Variants in TAF4 observed in about 807,000 individuals in gnomAD.
The protein encoded by TAF4 is TATA-box binding protein associated factor 4, also known as transcription initiation factor TFIID subunit 4.
A neutral mutation model predicts 90.3 loss-of-function variants in TAF4; 9 were observed. The observed-to-expected ratio is 0.10, with a 90% CI of 0.06 to 0.17. The LOEUF is 0.17. TAF4 is among the 10% of genes least tolerant of loss of function. TAF4 has a pLI of 1.00. For missense variants in TAF4, 1,351 were observed against 1,370.7 expected (o/e 0.99, Z 0.23); for synonymous variants, 818 against 638.9 (o/e 1.28, Z -4.23).
intron 1 of TAF4, among the ~76,000 whole-genome samples, chr20:62,021,641 A>C (rs998469306): frequency 1.3e-5 from 2 of 152,228 alleles, no homozygotes; most frequent in Non-Finnish European, 2.9e-5. Flanking sequence ...CAACCTCAGG[A>C]GGTGGCTGTA....
intron 1 of TAF4, among the ~76,000 whole-genome samples, chr20:62,021,320 A>G (rs1375646720): frequency 6.6e-6 from 1 of 152,240 alleles, no homozygotes; most frequent in African/African-American, 2.4e-5. Flanking sequence ...CCAAGGAAAC[A>G]AGGGGACTCT....
At chr20:61,987,531 C>A (rs2055600423) in intron 14 of TAF4, among the ~76,000 whole-genome samples, 1 of 152,212 alleles carries the variant, frequency 6.6e-6, no homozygotes, top group Admixed American at 6.5e-5. Context: ...ACAAGATGCA[C>A]ACACCTACTA....
At chr20:62,024,818 C>T (rs1295478503) in intron 1 of TAF4, among the ~76,000 whole-genome samples, 1 of 151,678 alleles carries the variant, frequency 6.6e-6, no homozygotes, top group Admixed American at 6.6e-5. Flanking sequence ...TACAGTGAGC[C>T]GAGATCATGC....
intron 11 of TAF4, among the ~76,000 whole-genome samples, chr20:61,999,593 C>G (rs984183239): frequency 1.3e-5 from 2 of 152,134 alleles, no homozygotes; most frequent in African/African-American, 2.4e-5. Context: ...AATAGGGCTG[C>G]GGCACCTCAG....
chr20:62,014,420 A>ACGC, intron 2 of TAF4, 127 bp downstream of exon 2: 1 of 1,258,450 alleles, frequency 7.9e-7, no homozygotes, highest in Non-Finnish European at 1.0e-6. Flanking sequence ...TGGGACTGGG[A>ACGC]CGCCGCCCAC....
intron 1 of TAF4, among the ~76,000 whole-genome samples, chr20:62,044,552 A>G (rs555629179): frequency 6.6e-6 from 1 of 152,390 alleles, no homozygotes; most frequent in Admixed American, 6.5e-5. Flanking sequence ...ACATCCTTAA[A>G]GAATAAATTC....
At chr20:62,016,347 G>A (rs755079958) in intron 1 of TAF4, among the ~76,000 whole-genome samples, 50 of 152,234 alleles carry the variant, frequency 3.3e-4, no homozygotes, top group South Asian at 2.1e-4. Flanking sequence ...TTGAGTCAGC[G>A]GACTGGAAGA....
intron 1 of TAF4, 23 bp from the exon 2 acceptor site, chr20:62,014,730 G>A (rs13041817): frequency 0.019 from 31,164 of 1,610,784 alleles, 388 homozygotes; most frequent in Non-Finnish European, 0.024. Context: ...GAGACCTGGC[G>A]TCAGGAACGC....
chr20:62,000,602 T>C lies in TAF4; in HGVS notation c.2606A>G (p.Asp869Gly). The C allele has an allele frequency of 6.2e-7, 1 of 1,614,258 alleles. No individual in the cohort carries two copies. The highest frequency in any genetic ancestry group is 8.5e-7 in the Non-Finnish European group (1 of 1,180,036). ...AGGCGCTTGGAGGAGGAAGGTTTCA[T>C]CTTTACAGGACCGCGTTAGCGTGCC... ...LVGTLTRSCK[D>G]ETFLLQAPLQ... The change falls in exon 10 of 15, where the codon GAT becomes GGT. Residue 869 changes from aspartate (D) to glycine (G), a missense_variant. Transcript: ENST00000252996.
rs1164225594 is a variant in TAF4 at position 61,975,944 on chromosome 20, A to G, written c.*224T>C. On this transcript the variant is annotated 3_prime_UTR_variant, in exon 15 of 15. Transcript: ENST00000252996. ...GTTTGGCAGGAAGGCCACTCAATCA[A>G]GATGAGTTAAGATTTAATTGTCCTT... 2 of 532,576 alleles carry G rather than the reference A, an allele frequency of 3.8e-6. No individual in the cohort carries two copies. Among genetic ancestry groups the G allele is most frequent in the African/African-American group, 3.8e-5 (2 of 53,156 alleles). The allele number at this position is 532,576 out of a possible 1,614,324, so 33.0% of individuals were successfully genotyped here.
At chr20:62,002,166 T>A (rs2055709651) in intron 9 of TAF4, among the ~76,000 whole-genome samples, 1 of 152,208 alleles carries the variant, frequency 6.6e-6, no homozygotes, top group Non-Finnish European at 1.5e-5. Context: ...CCCGTGTATG[T>A]CCCTAAGTGC....
At chr20:61,992,164 G>A (rs141896425) in intron 14 of TAF4, among the ~76,000 whole-genome samples, 14 of 152,178 alleles carry the variant, frequency 9.2e-5, no homozygotes, top group East Asian at 7.7e-4. Flanking sequence ...GACGAGTCAC[G>A]GCATTAAACA....
chr20:61,986,740 G>A (rs545392064), intron 14 of TAF4, among the ~76,000 whole-genome samples: 21 of 152,380 alleles, frequency 1.4e-4, no homozygotes, highest in African/African-American at 4.8e-4. Flanking sequence ...GCAGCAGCTT[G>A]TTACCTACAG....
chr20:61,993,565 C>T (rs147946051), intron 14 of TAF4, among the ~76,000 whole-genome samples: 279 of 152,252 alleles, frequency 1.8e-3, no homozygotes, highest in African/African-American at 6.3e-3. Flanking sequence ...TGGGAAAGGA[C>T]GGCAAGGCTA....
At chr20:62,027,791 C>T (rs2055882855) in intron 1 of TAF4, among the ~76,000 whole-genome samples, 1 of 152,254 alleles carries the variant, frequency 6.6e-6, no homozygotes, top group East Asian at 1.9e-4. Flanking sequence ...TCACCAAGCC[C>T]TCAACACACA....
rs1407085193 is a variant in TAF4 at position 61,975,851 on chromosome 20, ACTG to A, written c.*314_*316del. On this transcript the variant is annotated 3_prime_UTR_variant, in exon 15 of 15. Transcript: ENST00000252996. ...ACCAAAATGCACAAATAATGCAGAAACTGCTATGAGTTGACAGAGGGCAGCTAA... is the reference window on the plus strand; with the variant it reads ...ACCAAAATGCACAAATAATGCAGAAACTATGAGTTGACAGAGGGCAGCTAA... 2 of 316,534 alleles carry A rather than the reference ACTG, an allele frequency of 6.3e-6. No homozygotes were observed. Among genetic ancestry groups the A allele is most frequent in the African/African-American group, 4.2e-5 (2 of 48,066 alleles). The allele number at this position is 316,534 out of a possible 1,614,324, so 19.6% of individuals were successfully genotyped here. A position where few individuals can be genotyped will look rare whatever the true frequency, so the allele number is the denominator to read the frequency against.
At chr20:62,040,967 C>T (rs2055960500) in intron 1 of TAF4, among the ~76,000 whole-genome samples, 2 of 152,244 alleles carry the variant, frequency 1.3e-5, no homozygotes, top group Admixed American at 1.3e-4. Context: ...AAATGTATAG[C>T]GTACATCCAA....
chr20:62,040,719 G>A (rs1214219384), intron 1 of TAF4, among the ~76,000 whole-genome samples: 1 of 152,236 alleles, frequency 6.6e-6, no homozygotes, highest in Non-Finnish European at 1.5e-5. Flanking sequence ...CACGGCAGCA[G>A]CACTGAGCCC....
intron 1 of TAF4, among the ~76,000 whole-genome samples, chr20:62,021,986 G>A (rs1042383233): frequency 3.3e-5 from 5 of 152,160 alleles, no homozygotes; most frequent in Admixed American, 2.0e-4. Context: ...GGCACACAGC[G>A]GCCAGCGGCG....
Sources: gnomAD v4.1 joint callset for allele counts (sites outside exome capture counted in the v4.1 genomes callset) on GRCh38, gnomAD v4.1.1 for gene constraint, MANE v1.5 for transcripts, NCBI Gene and HGNC (gene_info 2026-07-23, HGNC 2026-07-21) for gene names.